The following PGBD5 variants were observed in gnomAD, a reference collection of about 807,000 sequenced individuals.
The protein encoded by PGBD5 is piggyBac transposable element derived 5.
A neutral mutation model predicts 47.9 loss-of-function variants in PGBD5; 14 were observed. That is an observed-to-expected ratio of 0.29 (90% CI 0.19 to 0.46). The LOEUF (loss-of-function observed/expected upper bound fraction) is 0.46. PGBD5 is among the 20% of genes least tolerant of loss of function. The probability of loss-of-function intolerance (pLI) is 1.00; values close to 1 mark genes in which losing one functional copy is unlikely to be tolerated. For synonymous variants in PGBD5, 316 were observed against 306.3 expected (o/e 1.03, Z -0.33); for missense variants, 635 against 716.0 (o/e 0.89, Z 1.29).
At chr1:230,347,542 C>T (rs1019296545) in intron 3 of PGBD5, among the ~76,000 whole-genome samples, 66 of 136,944 alleles carry the variant, frequency 4.8e-4, no homozygotes, top group Admixed American at 4.8e-3. Flanking sequence ...TGCAGTGGTG[C>T]GATCTTGGCT....
intron 1 of PGBD5, among the ~76,000 whole-genome samples, chr1:230,398,446 A>C (rs1050235099): frequency 6.6e-6 from 1 of 152,170 alleles, no homozygotes; most frequent in African/African-American, 2.4e-5. Flanking sequence ...GGGCCCACCC[A>C]TATGATTTCA....
chr1:230,422,171 G>C (rs967674401), intron 1 of PGBD5, among the ~76,000 whole-genome samples: 1 of 151,588 alleles, frequency 6.6e-6, no homozygotes, highest in Non-Finnish European at 1.5e-5. Context: ...ACCTCTAATA[G>C]AAAGAGTGAA....
intron 5 of PGBD5, among the ~76,000 whole-genome samples, chr1:230,329,580 C>T (rs956522952): frequency 7.2e-5 from 11 of 152,130 alleles, no homozygotes; most frequent in Non-Finnish European, 1.0e-4. Context: ...GGCACAATCT[C>T]GGCTCACTGC....
intron 2 of PGBD5, among the ~76,000 whole-genome samples, chr1:230,352,374 G>A (rs923650029): frequency 6.6e-6 from 1 of 152,166 alleles, no homozygotes; most frequent in African/African-American, 2.4e-5. Context: ...CTGAGACTGT[G>A]CATTCCCAAC....
At chr1:230,382,834 G>T (rs543084420) in intron 1 of PGBD5, among the ~76,000 whole-genome samples, 2 of 152,182 alleles carry the variant, frequency 1.3e-5, no homozygotes, top group East Asian at 3.9e-4. Context: ...AAAGAATGGG[G>T]GCATGGGTCC....
At chr1:230,332,769 A>G (rs1438473472) in intron 5 of PGBD5, 75 bp downstream of exon 5, 1 of 1,544,786 alleles carries the variant, frequency 6.5e-7, no homozygotes, top group Non-Finnish European at 8.9e-7. Flanking sequence ...CGCCACATCC[A>G]CCGCAGCGGT....
At chr1:230,394,720 G>A (rs1279778305) in intron 1 of PGBD5, among the ~76,000 whole-genome samples, 2 of 120,886 alleles carry the variant, frequency 1.7e-5, no homozygotes, top group Non-Finnish European at 3.4e-5. Context: ...CCCTATCCCC[G>A]AGCTCCTCTC....
intron 5 of PGBD5, among the ~76,000 whole-genome samples, chr1:230,332,564 C>T (rs1018438805): frequency 6.6e-6 from 1 of 152,222 alleles, no homozygotes; most frequent in Admixed American, 6.5e-5. Context: ...CAGCCATTAT[C>T]ATACCCCGTG....
In PGBD5 at chr1:230,323,767, C is replaced by T; in HGVS notation, c.1380-147G>A. On this transcript the variant is annotated intron_variant, in intron 6 of 6. Coordinates refer to ENST00000391860, the MANE Select transcript of PGBD5 (RefSeq NM_001258311.2). The surrounding 1 kb of genome is among the most constrained non-coding windows in gnomAD (Gnocchi z 4.1). ...GAGGGCTATGGGGGCAGGAGTCAGGCTTGGGATGTTAGGTGAGTTCCAGCT... is the reference window on the plus strand; with the variant it reads ...GAGGGCTATGGGGGCAGGAGTCAGGTTTGGGATGTTAGGTGAGTTCCAGCT... 1.4e-6 allele frequency: 1 copy of T among 717,942 alleles called. No homozygotes were observed. Among genetic ancestry groups the T allele is most frequent in the Non-Finnish European group, 2.3e-6 (1 of 440,330 alleles). 44.5% of individuals were successfully genotyped at this position (717,942 alleles called of 1,614,324 possible).
At chr1:230,334,528 G>A (rs1667271770) in intron 4 of PGBD5, among the ~76,000 whole-genome samples, 1 of 152,186 alleles carries the variant, frequency 6.6e-6, no homozygotes. Flanking sequence ...AATGGTCTGT[G>A]TGGCCCTAGG....
chr1:230,352,243 A>G (rs1667570723), intron 2 of PGBD5, among the ~76,000 whole-genome samples: 3 of 152,222 alleles, frequency 2.0e-5, no homozygotes, highest in African/African-American at 7.2e-5. Flanking sequence ...AACACGCAAC[A>G]GTGACCACAC....
At chr1:230,422,728 T>C (rs1457449903) in intron 1 of PGBD5, among the ~76,000 whole-genome samples, 5 of 152,012 alleles carry the variant, frequency 3.3e-5, no homozygotes, top group Non-Finnish European at 7.4e-5. Flanking sequence ...GGAAGCTAAA[T>C]ACGCTGAAAA....
Position 230,425,480 on chromosome 1 carries a change from G to T in PGBD5, c.331+118C>A. 1 of 758,680 alleles carries T rather than the reference G, an allele frequency of 1.3e-6. No individual in the cohort carries two copies. 47.0% of individuals were successfully genotyped at this position (758,680 alleles called of 1,614,324 possible). A position where few individuals can be genotyped will look rare whatever the true frequency, so the allele number is the denominator to read the frequency against. On this transcript the variant is annotated intron_variant, in intron 1 of 6. Coordinates refer to ENST00000391860, the MANE Select transcript of PGBD5 (RefSeq NM_001258311.2). The surrounding 1 kb of genome is among the most constrained non-coding windows in gnomAD (Gnocchi z 4.7). ...GCTCCTGCAGCCTCATTTGTTTCCG[G>T]AGAGACACCCACAAGCCAGCCCACG... is the stretch of plus-strand genomic sequence containing the variant.
chr1:230,314,751 G>T lies in PGBD5; in HGVS notation c.*8674C>A, dbSNP rs1015132961. On this transcript the variant is annotated 3_prime_UTR_variant, in exon 7 of 7. Coordinates refer to ENST00000391860, the MANE Select transcript of PGBD5 (RefSeq NM_001258311.2). ...GGGTATGCTTTGTGTCACCAAATGG[G>T]GGTGCAGCTGTGTGATATCTGTGCA... The T allele has an allele frequency of 6.6e-6, 1 of 152,016 alleles. No individual in the cohort carries two copies. The highest frequency in any genetic ancestry group is 1.5e-5 in the Non-Finnish European group (1 of 68,030). 9.4% of individuals were successfully genotyped at this position (152,016 alleles called of 1,614,324 possible).
chr1:230,390,886 C>T lies in PGBD5; in HGVS notation c.332-33565G>A, dbSNP rs189617168. ...TCCCGAATAGCTAGGATTACAGGAACGCACCACCACAGCCAGCTAATTTTT... is the reference window on the plus strand; with the variant it reads ...TCCCGAATAGCTAGGATTACAGGAATGCACCACCACAGCCAGCTAATTTTT... On this transcript the variant is annotated intron_variant, in intron 1 of 6. Coordinates refer to ENST00000391860, the MANE Select transcript of PGBD5 (RefSeq NM_001258311.2). Among the ~76,000 whole-genome samples the T allele has an allele frequency of 5.0e-3, 755 of 152,172 alleles. 4 individuals carry two copies. Among genetic ancestry groups the T allele is most frequent in the Non-Finnish European group, 8.1e-3 (548 of 68,018 alleles).
At position 230,344,233 on chromosome 1, in the gene PGBD5, C is replaced by T. The variant is rs187352280; in HGVS notation, c.894+6725G>A. On this transcript the variant is annotated intron_variant, in intron 3 of 6. Coordinates refer to ENST00000391860, the MANE Select transcript of PGBD5 (RefSeq NM_001258311.2). ...CCAGGAGGTGGAGCTTGCAGTGAGC[C>T]GAGATCACGCCACTACACTCCAGCC... Among the ~76,000 whole-genome samples the T allele has an allele frequency of 1.2e-3, 182 of 151,302 alleles. 1 individual carries two copies. Among genetic ancestry groups the T allele is most frequent in the Admixed American group, 8.9e-3 (135 of 15,210 alleles).
At chr1:230,386,521 G>C (rs751588433) in intron 1 of PGBD5, among the ~76,000 whole-genome samples, 4 of 152,158 alleles carry the variant, frequency 2.6e-5, no homozygotes, top group Non-Finnish European at 5.9e-5. Context: ...ACTCTTGTCA[G>C]TACTGGGAGT....
At chr1:230,376,477 G>A (rs1338212679) in intron 1 of PGBD5, among the ~76,000 whole-genome samples, 1 of 152,186 alleles carries the variant, frequency 6.6e-6, no homozygotes, top group Non-Finnish European at 1.5e-5. Context: ...AACAGCCTGG[G>A]TGTCAATCGG....
intron 1 of PGBD5, among the ~76,000 whole-genome samples, chr1:230,422,831 C>T (rs560669365): frequency 8.6e-5 from 13 of 151,940 alleles, no homozygotes; most frequent in Non-Finnish European, 1.3e-4. Flanking sequence ...AGGGCTGGCA[C>T]GGGAACTAGC....
Sources: allele counts gnomAD v4.1 joint callset (sites outside exome capture counted in the v4.1 genomes callset), GRCh38; gene constraint gnomAD v4.1.1; non-coding constraint Gnocchi (gnomAD v3.1); transcripts MANE v1.5; gene names NCBI Gene and HGNC (gene_info 2026-07-23, HGNC 2026-07-21).